PSMB7: variants seen among roughly 807,000 people sequenced by gnomAD.
PSMB7 encodes proteasome 20S subunit beta 7.
Under a neutral mutation model 28.1 loss-of-function variants are expected in PSMB7, and 5 were observed. The observed-to-expected ratio is 0.18, with a 90% CI of 0.09 to 0.37. The LOEUF is 0.37. Among genes scored for constraint, PSMB7 ranks in the 10% least tolerant of loss-of-function variants. The probability of loss-of-function intolerance (pLI) is 1.00; values close to 1 mark genes in which losing one functional copy is unlikely to be tolerated. For synonymous variants in PSMB7, 122 were observed against 123.7 expected (o/e 0.99, Z 0.09); for missense variants, 275 against 346.2 (o/e 0.79, Z 1.63).
In PSMB7 at chr9:124,413,893, C is replaced by A. The variant is rs752793493; in HGVS notation, c.254+15G>T. 1 of 1,543,296 alleles carries A rather than the reference C, an allele frequency of 6.5e-7. No individual in the cohort carries two copies. Among genetic ancestry groups the A allele is most frequent in the African/African-American group, 1.4e-5 (1 of 73,310 alleles). On this transcript the variant is annotated intron_variant, in intron 3 of 7. Transcript: ENST00000259457. ...TTTGAAAATATAAGAGTTATTCAAA[C>A]GAATCAATACTTACTAAATATTAGG...
rs1364360907 is a variant in PSMB7 at position 124,356,624 on chromosome 9, C to G, written c.722+140G>C. 1 of 956,560 alleles carries G rather than the reference C, an allele frequency of 1.0e-6. No individual in the cohort carries two copies. The highest frequency in any genetic ancestry group is 1.5e-6 in the Non-Finnish European group (1 of 650,594). The allele number at this position is 956,560 out of a possible 1,614,324, so 59.3% of individuals were successfully genotyped here. ...ATAAAGCAAGTAACAAGCCGAAGGT[C>G]TGTGTGGGAGGTTGATTTGGGAACA... is the stretch of plus-strand genomic sequence containing the variant. On this transcript the variant is annotated intron_variant, in intron 7 of 7. Coordinates refer to ENST00000259457, the MANE Select transcript of PSMB7 (RefSeq NM_002799.4). The surrounding 1 kb of genome is among the most constrained non-coding windows in gnomAD (Gnocchi z 4.4).
At chr9:124,379,285 TAAGTA>T (rs1564679394) in intron 6 of PSMB7, among the ~76,000 whole-genome samples, 2 of 152,208 alleles carry the variant, frequency 1.3e-5, no homozygotes, top group African/African-American at 2.4e-5. Flanking sequence ...TCAGAATCAC[TAAGTA>T]AAGTTGTGTT....
At position 124,353,631 on chromosome 9, in the gene PSMB7, C is replaced by T. The variant is rs778921945; in HGVS notation, c.801G>A (p.Leu267=). 11 of 1,613,872 alleles carry T rather than the reference C, an allele frequency of 6.8e-6. No homozygotes were observed. In the Admixed American group the frequency reaches 8.3e-5, roughly 12 times the overall value. Residue 267 remains leucine, a synonymous_variant, in exon 8 of 8, where the codon CTG becomes CTA. Transcript: ENST00000259457. Reference sequence around the variant, plus strand: ...TGTCCATTGTTTGGACTGTTTCTTCCAGCACCTCAATCTCCAGAGGAGTGA... The same window carrying T: ...TGTCCATTGTTTGGACTGTTTCTTCTAGCACCTCAATCTCCAGAGGAGTGA... ...EKITPLEIEV[L]EETVQTMDTS is the part of the protein sequence containing the mutation.
At chr9:124,377,180 C>T (rs1830620342) in intron 6 of PSMB7, among the ~76,000 whole-genome samples, 1 of 152,136 alleles carries the variant, frequency 6.6e-6, no homozygotes. Flanking sequence ...TTTTTACAGG[C>T]CGCATCTAAC....
intron 5 of PSMB7, 90 bp from the exon 6 acceptor site, chr9:124,384,746 C>T: frequency 8.7e-7 from 1 of 1,147,144 alleles, no homozygotes; most frequent in Non-Finnish European, 1.3e-6. Flanking sequence ...AACAGCAAAA[C>T]ATGCCCAGTG....
At chr9:124,373,802 C>T (rs187200439) in intron 6 of PSMB7, among the ~76,000 whole-genome samples, 14 of 152,340 alleles carry the variant, frequency 9.2e-5, no homozygotes, top group Admixed American at 7.2e-4. Flanking sequence ...CCTTCACACA[C>T]TGCTAGTGGC....
intron 6 of PSMB7, among the ~76,000 whole-genome samples, chr9:124,372,538 G>A (rs899647901): frequency 1.3e-5 from 2 of 152,174 alleles, no homozygotes; most frequent in African/African-American, 2.4e-5. Context: ...CCAAGCTTAC[G>A]GAGATTTTTG....
chr9:124,380,515 T>G (rs1181287501), intron 6 of PSMB7, among the ~76,000 whole-genome samples: 2 of 152,092 alleles, frequency 1.3e-5, no homozygotes, highest in East Asian at 3.9e-4. Flanking sequence ...CACTCCAGCC[T>G]GGGCAACAGA....
chr9:124,391,572 A>T (rs1270167754), intron 5 of PSMB7, among the ~76,000 whole-genome samples: 2 of 152,168 alleles, frequency 1.3e-5, no homozygotes, highest in Admixed American at 6.5e-5. Flanking sequence ...ATGATTAAAC[A>T]TATGCCATTC....
chr9:124,356,668 GA>G lies in PSMB7; in HGVS notation c.722+95del. On this transcript the variant is annotated intron_variant, in intron 7 of 7. Transcript: ENST00000259457. This position sits in a 1 kb window ranked among gnomAD's most constrained non-coding sequence, Gnocchi z 4.4. Reference sequence around the variant, plus strand: ...GGGAACACTGGATGTACTTAATGTGGAAAGAACCAGGAAAACTCCATCCAGA... The same window carrying G: ...GGGAACACTGGATGTACTTAATGTGGAAGAACCAGGAAAACTCCATCCAGA... 1 of 1,398,652 alleles carries G rather than the reference GA, an allele frequency of 7.1e-7. No individual in the cohort carries two copies. The highest frequency in any genetic ancestry group is 9.8e-7 in the Non-Finnish European group (1 of 1,023,234). The allele number at this position is 1,398,652 out of a possible 1,614,324, so 86.6% of individuals were successfully genotyped here.
chr9:124,371,081 G>C (rs1830558063), intron 6 of PSMB7, among the ~76,000 whole-genome samples: 1 of 152,154 alleles, frequency 6.6e-6, no homozygotes, highest in South Asian at 2.1e-4. Flanking sequence ...AAATATGCTG[G>C]ATTATCAATT....
chr9:124,410,072 A>G (rs1292831469), intron 4 of PSMB7, among the ~76,000 whole-genome samples: 2 of 150,494 alleles, frequency 1.3e-5, no homozygotes, highest in African/African-American at 4.9e-5. Context: ...ACAGTGGCAC[A>G]ATCTCGGCTC....
chr9:124,370,034 G>A (rs1291768013), intron 6 of PSMB7, among the ~76,000 whole-genome samples: 2 of 152,128 alleles, frequency 1.3e-5, no homozygotes, highest in Non-Finnish European at 2.9e-5. Context: ...AACTCAAGGT[G>A]AATGGCATGC....
At chr9:124,361,819 G>A (rs1830467666) in intron 6 of PSMB7, among the ~76,000 whole-genome samples, 2 of 152,124 alleles carry the variant, frequency 1.3e-5, no homozygotes, top group Admixed American at 1.3e-4. Flanking sequence ...AGATTACCTC[G>A]GCATCCACTA....
At chr9:124,412,913 G>C (rs1831043984) in intron 3 of PSMB7, among the ~76,000 whole-genome samples, 1 of 152,092 alleles carries the variant, frequency 6.6e-6, no homozygotes, top group African/African-American at 2.4e-5. Flanking sequence ...TTGAGTGTAA[G>C]ATACACAAGA....
chr9:124,394,546 A>G (rs1027959644), intron 5 of PSMB7, among the ~76,000 whole-genome samples: 1 of 152,188 alleles, frequency 6.6e-6, no homozygotes, highest in South Asian at 2.1e-4. Flanking sequence ...GGACAATTCA[A>G]ATCAGGAGAC....
chr9:124,373,494 C>T (rs769772760), intron 6 of PSMB7, among the ~76,000 whole-genome samples: 2 of 152,196 alleles, frequency 1.3e-5, no homozygotes, highest in African/African-American at 2.4e-5. Flanking sequence ...GAAATAGCCT[C>T]AGGGGGAGCC....
chr9:124,388,491 C>A (rs1294714735), intron 5 of PSMB7, among the ~76,000 whole-genome samples: 1 of 152,218 alleles, frequency 6.6e-6, no homozygotes, highest in African/African-American at 2.4e-5. Context: ...TATTTTAGGT[C>A]ATTTCATCAT....
intron 5 of PSMB7, among the ~76,000 whole-genome samples, chr9:124,391,109 A>T (rs2131167141): frequency 6.6e-6 from 1 of 152,354 alleles, no homozygotes; most frequent in East Asian, 1.9e-4. Context: ...AGCACTGAAC[A>T]AACTACAACA....
Sources: gnomAD v4.1 joint callset for allele counts (sites outside exome capture counted in the v4.1 genomes callset) on GRCh38, gnomAD v4.1.1 for gene constraint, Gnocchi (gnomAD v3.1) non-coding constraint, MANE v1.5 for transcripts, NCBI Gene and HGNC (gene_info 2026-07-23, HGNC 2026-07-21) for gene names.